Variants in MEF2C observed in about 807,000 individuals in gnomAD.
MEF2C encodes myocyte enhancer factor 2C, also known as myocyte-specific enhancer factor 2C.
MEF2C carries 6 observed loss-of-function variants against 50.5 expected under a neutral mutation model. That is an observed-to-expected ratio of 0.12 (90% CI 0.07 to 0.23). MEF2C has a LOEUF of 0.23. Among genes scored for constraint, MEF2C ranks in the 10% least tolerant of loss-of-function variants. MEF2C has a pLI of 1.00. For missense variants in MEF2C, 276 were observed against 605.0 expected, an observed-to-expected ratio of 0.46 and a Z score of 5.70; for synonymous variants, 183 against 228.0, an observed-to-expected ratio of 0.80 and a Z score of 1.78.
intron 6 of MEF2C, chr5:88,741,513 T>C: frequency 1.0e-6 from 1 of 985,428 alleles, no homozygotes; most frequent in South Asian, 4.7e-5. Context: ...GCAAAAATTT[T>C]GGTCCATGGT....
chr5:88,847,418 A>G (rs975357679), intron 1 of MEF2C, among the ~76,000 whole-genome samples: 8 of 152,152 alleles, frequency 5.3e-5, no homozygotes, highest in Non-Finnish European at 8.8e-5. Flanking sequence ...ATCTATTATA[A>G]TATCTGGAAA....
intron 1 of MEF2C, among the ~76,000 whole-genome samples, chr5:88,900,408 TA>T (rs34433957): frequency 1.1e-4 from 17 of 151,474 alleles, no homozygotes; most frequent in African/African-American, 3.4e-4. Flanking sequence ...CTCCCAATCT[TA>T]AAAAAAACCC....
chr5:88,866,664 A>C (rs528335499), intron 1 of MEF2C, among the ~76,000 whole-genome samples: 6 of 152,334 alleles, frequency 3.9e-5, no homozygotes, highest in Non-Finnish European at 7.3e-5. Context: ...ACTTGATATA[A>C]TATTTCTTAT....
intron 1 of MEF2C, among the ~76,000 whole-genome samples, chr5:88,851,909 G>A (rs956333554): frequency 6.6e-6 from 1 of 152,022 alleles, no homozygotes; most frequent in Non-Finnish European, 1.5e-5. Context: ...CCTTTATAAT[G>A]CAATCAATAC....
chr5:88,723,051 C>T (rs1179257983), intron 10 of MEF2C, 126 bp from the exon 11 acceptor site: 5 of 881,124 alleles, frequency 5.7e-6, no homozygotes, highest in African/African-American at 5.1e-5. Flanking sequence ...GTGAAGAAAA[C>T]GTGCTTGGAA....
intron 10 of MEF2C, among the ~76,000 whole-genome samples, chr5:88,728,154 T>C (rs1759742009): frequency 6.6e-6 from 1 of 151,986 alleles, no homozygotes; most frequent in African/African-American, 2.4e-5. Context: ...AGAAAAATTC[T>C]CAAATATCTA....
intron 3 of MEF2C, among the ~76,000 whole-genome samples, chr5:88,780,433 T>C (rs1440176893): frequency 6.6e-6 from 1 of 152,280 alleles, no homozygotes; most frequent in African/African-American, 2.4e-5. Context: ...GAAAAAGGTA[T>C]GGCTCAGAAC....
chr5:88,849,178 T>C (rs572777880), intron 1 of MEF2C, among the ~76,000 whole-genome samples: 4 of 150,652 alleles, frequency 2.7e-5, no homozygotes, highest in Non-Finnish European at 5.9e-5. Context: ...AAAATTCTTG[T>C]GCCAAATACT....
intron 3 of MEF2C, among the ~76,000 whole-genome samples, chr5:88,800,362 C>G (rs148821258): frequency 6.6e-6 from 1 of 152,186 alleles, no homozygotes; most frequent in Non-Finnish European, 1.5e-5. Flanking sequence ...GGTTATTGTT[C>G]CTTTGCCGTC....
At chr5:88,773,081 G>A (rs1274718828) in intron 3 of MEF2C, among the ~76,000 whole-genome samples, 1 of 152,230 alleles carries the variant, frequency 6.6e-6, no homozygotes, top group Non-Finnish European at 1.5e-5. Context: ...TGGCTGCCTG[G>A]GGAGAGAAGA....
chr5:88,855,428 CT>C (rs1166591831), intron 1 of MEF2C, among the ~76,000 whole-genome samples: 1 of 152,114 alleles, frequency 6.6e-6, no homozygotes. Flanking sequence ...GATTATTTTT[CT>C]GATACAAAAG....
At chr5:88,875,168 T>C (rs1009285066) in intron 1 of MEF2C, among the ~76,000 whole-genome samples, 2 of 152,002 alleles carry the variant, frequency 1.3e-5, no homozygotes, top group Non-Finnish European at 2.9e-5. Context: ...ACAAGGAATA[T>C]TAGTGCAGAT....
chr5:88,815,256 G>A (rs1804788917), intron 2 of MEF2C, among the ~76,000 whole-genome samples: 1 of 152,046 alleles, frequency 6.6e-6, no homozygotes, highest in South Asian at 2.1e-4. Context: ...AAGCACATTT[G>A]TCTACATTTT....
intron 6 of MEF2C, chr5:88,735,278 A>C (rs986835355): frequency 3.0e-5 from 30 of 985,282 alleles, no homozygotes; most frequent in Non-Finnish European, 3.6e-5. Context: ...GGTCGCATTT[A>C]AATTCAGGGG....
intron 6 of MEF2C, chr5:88,740,318 A>G (rs959737069): frequency 1.9e-5 from 19 of 985,116 alleles, no homozygotes; most frequent in Middle Eastern, 1.0e-3. Flanking sequence ...CGTACAGCAC[A>G]TACTGTGTAA....
At chr5:88,883,226 T>TGCGC (rs1268898499), upstream of MEF2C, 71 of 126,298 alleles carry the variant, frequency 5.6e-4, no homozygotes, top group African/African-American at 1.9e-3. Context: ...TGTGCGTGTG[T>TGCGC]GCGCGCGCGC....
chr5:88,825,429 A>T (rs1336117633), intron 1 of MEF2C: 7 of 924,516 alleles, frequency 7.6e-6, no homozygotes, highest in African/African-American at 5.4e-5. Context: ...CATAATATGT[A>T]TGTTGAGTAA....
At chr5:88,876,243 G>A (rs1831036512) in intron 1 of MEF2C, among the ~76,000 whole-genome samples, 1 of 151,598 alleles carries the variant, frequency 6.6e-6, no homozygotes, top group Non-Finnish European at 1.5e-5. Flanking sequence ...AAAAATATAG[G>A]ACCACTATAT....
At chr5:88,768,192 T>C (rs1780849075) in intron 3 of MEF2C, among the ~76,000 whole-genome samples, 1 of 152,232 alleles carries the variant, frequency 6.6e-6, no homozygotes, top group Admixed American at 6.5e-5. Flanking sequence ...TTATGTGCTT[T>C]TTCCCCTCTG....
Sources: gnomAD v4.1 joint callset for allele counts (sites outside exome capture counted in the v4.1 genomes callset) on GRCh38, gnomAD v4.1.1 for gene constraint, MANE v1.5 for transcripts, NCBI Gene and HGNC (gene_info 2026-07-23, HGNC 2026-07-21) for gene names.